PRDM16: variants seen among roughly 807,000 people sequenced by gnomAD.
PRDM16 encodes the protein PR/SET domain 16.
PRDM16 carries 23 observed loss-of-function variants against 110.6 expected under a neutral mutation model. That is an observed-to-expected ratio of 0.21 (90% confidence interval 0.15 to 0.29). PRDM16 has a LOEUF of 0.29. Among genes scored for constraint, PRDM16 ranks in the 10% least tolerant of loss-of-function variants. The pLI, the probability that PRDM16 is intolerant of heterozygous loss-of-function variation, is 1.00. For synonymous variants in PRDM16, 799 were observed against 781.8 expected (o/e 1.02, Z -0.37); for missense variants, 1,615 against 1,794.3 (o/e 0.90, Z 1.81).
chr1:3,128,389 T>C (rs776771394), intron 1 of PRDM16, among the ~76,000 whole-genome samples: 3 of 152,204 alleles, frequency 2.0e-5, no homozygotes, highest in Non-Finnish European at 2.9e-5. Flanking sequence ...CGGGGGTTGC[T>C]TCTGTCCTGC....
At chr1:3,144,257 G>C (rs1476652850) in intron 1 of PRDM16, among the ~76,000 whole-genome samples, 1 of 152,186 alleles carries the variant, frequency 6.6e-6, no homozygotes, top group Admixed American at 6.5e-5. Context: ...CCCAGCCCCG[G>C]TACATGGACA....
rs372567676 is a variant in PRDM16 at position 3,265,995 on chromosome 1, C to A, written c.438+21858C>A. On this transcript the variant is annotated intron_variant, in intron 3 of 16. Transcript: ENST00000270722. This position sits in a 1 kb window ranked among gnomAD's most constrained non-coding sequence, Gnocchi z 4.5. ...CAAGGGCCGCCCTCCAGCCTAGCGA[C>A]GCCACCTGGCCCCTCTTTCCATTAA... 3.3e-5 allele frequency among the ~76,000 whole-genome samples: 5 copies of A among 152,330 alleles called. No individual in the cohort carries two copies. The East Asian group carries it at 9.7e-4, about 29-fold the overall frequency.
At chr1:3,118,683 C>T (rs774485088) in intron 1 of PRDM16, among the ~76,000 whole-genome samples, 1 of 152,180 alleles carries the variant, frequency 6.6e-6, no homozygotes, top group East Asian at 1.9e-4. Flanking sequence ...GACTGGCAGT[C>T]GGGGGGTGTC....
At position 3,186,045 on chromosome 1, in the gene PRDM16, C is replaced by G. The variant is rs139986863; in HGVS notation, c.38-80C>G. The G allele has an allele frequency of 5.6e-5, 70 of 1,254,204 alleles. No individual in the cohort carries two copies. The Admixed American group carries it at 8.3e-4, about 15-fold the overall frequency. The allele number at this position is 1,254,204 out of a possible 1,614,324, so 77.7% of individuals were successfully genotyped here. ...AGCACCCTCGGTGCCCATTGATGCC[C>G]GAGTCCCCGGCGCTCCCTGAGCTGT... On this transcript the variant is annotated intron_variant, in intron 1 of 16. Transcript: ENST00000270722.
At chr1:3,357,462 C>T in intron 3 of PRDM16, among the ~76,000 whole-genome samples, 1 of 150,430 alleles carries the variant, frequency 6.6e-6, no homozygotes, top group Non-Finnish European at 1.5e-5. Flanking sequence ...GAGAGTCTCA[C>T]CACGGGGCCT....
chr1:3,397,187 C>T (rs888302226), intron 5 of PRDM16, among the ~76,000 whole-genome samples: 1 of 152,218 alleles, frequency 6.6e-6, no homozygotes, highest in Non-Finnish European at 1.5e-5. Flanking sequence ...GGGGAAGTTT[C>T]ATTTGGCAAG....
At chr1:3,304,548 C>G (rs991984411) in intron 3 of PRDM16, among the ~76,000 whole-genome samples, 2 of 152,206 alleles carry the variant, frequency 1.3e-5, no homozygotes, top group African/African-American at 4.8e-5. Context: ...GCCTGGAGCA[C>G]ATTGCGTTGT....
chr1:3,213,125 G>A lies in PRDM16; in HGVS notation c.387+26651G>A, dbSNP rs1015046780. Among the ~76,000 whole-genome samples, 1 of 152,212 alleles carries A rather than the reference G, an allele frequency of 6.6e-6. No homozygotes were observed. The highest frequency in any genetic ancestry group is 1.5e-5 in the Non-Finnish European group (1 of 68,044). ...GCGGCAAATCCCATCCTATGTGCTT[G>A]CAGCAACTCCTCTGCCAAAAAAGGA... On this transcript the variant is annotated intron_variant, in intron 2 of 16. Coordinates refer to ENST00000270722, the MANE Select transcript of PRDM16 (RefSeq NM_022114.4). The surrounding 1 kb of genome is among the most constrained non-coding windows in gnomAD (Gnocchi z 5.3).
At chr1:3,184,854 GT>G (rs1644249993) in intron 1 of PRDM16, among the ~76,000 whole-genome samples, 1 of 152,164 alleles carries the variant, frequency 6.6e-6, no homozygotes, top group Non-Finnish European at 1.5e-5. Flanking sequence ...TCGGGGGCTG[GT>G]CCAGGCTGCG....
In PRDM16 at chr1:3,290,952, A is replaced by G. The variant is rs1640959814; in HGVS notation, c.438+46815A>G. Among the ~76,000 whole-genome samples, 1 of 151,940 alleles carries G rather than the reference A, an allele frequency of 6.6e-6. No homozygotes were observed. The highest frequency in any genetic ancestry group is 1.5e-5 in the Non-Finnish European group (1 of 68,004). ...TCATCATTCATCGGGGGCCTTATTA[A>G]CCTTCTTACGATGTGATAGGAGCGG... is the stretch of plus-strand genomic sequence containing the variant. On this transcript the variant is annotated intron_variant, in intron 3 of 16. Transcript: ENST00000270722. The surrounding 1 kb of genome is among the most constrained non-coding windows in gnomAD (Gnocchi z 4.8).
intron 3 of PRDM16, among the ~76,000 whole-genome samples, chr1:3,320,417 GT>G (rs1223808299): frequency 6.6e-6 from 1 of 152,220 alleles, no homozygotes; most frequent in African/African-American, 2.4e-5. Flanking sequence ...TGCAAAGGCT[GT>G]GTGCCCAGGG....
chr1:3,320,329 C>T (rs906363774), intron 3 of PRDM16, among the ~76,000 whole-genome samples: 4 of 152,060 alleles, frequency 2.6e-5, no homozygotes, highest in Non-Finnish European at 2.9e-5. Flanking sequence ...TGTGTGTGTG[C>T]GTGTGTGTGT....
intron 2 of PRDM16, among the ~76,000 whole-genome samples, chr1:3,187,839 T>C (rs1644288288): frequency 1.3e-5 from 2 of 152,184 alleles, no homozygotes; most frequent in Admixed American, 1.3e-4. Context: ...TTTACAGAGC[T>C]GTGGGGGTCC....
chr1:3,375,927 A>G (rs532812350), intron 3 of PRDM16, among the ~76,000 whole-genome samples: 3 of 152,192 alleles, frequency 2.0e-5, no homozygotes, highest in Non-Finnish European at 4.4e-5. Context: ...AGAGAGAACT[A>G]AGGGGAAACT....
intron 1 of PRDM16, among the ~76,000 whole-genome samples, chr1:3,166,153 G>A (rs1159000243): frequency 6.6e-6 from 1 of 152,260 alleles, no homozygotes. Context: ...TTCATTAACT[G>A]CCAGGAAATC....
At chr1:3,070,525 C>T (rs1310370222) in intron 1 of PRDM16, among the ~76,000 whole-genome samples, 4 of 150,174 alleles carry the variant, frequency 2.7e-5, no homozygotes, top group Non-Finnish European at 5.9e-5. Flanking sequence ...GCCGCCCCCT[C>T]CTCTGCAGGC....
chr1:3,338,177 A>T (rs1019647586), intron 3 of PRDM16, among the ~76,000 whole-genome samples: 1 of 152,234 alleles, frequency 6.6e-6, no homozygotes, highest in African/African-American at 2.4e-5. Context: ...GCGCAGCCGA[A>T]TTCTCTTTGG....
intron 1 of PRDM16, among the ~76,000 whole-genome samples, chr1:3,104,381 C>T (rs753331320): frequency 1.3e-4 from 20 of 152,150 alleles, no homozygotes; most frequent in African/African-American, 2.7e-4. Flanking sequence ...GGAAGGCAAG[C>T]GCCTCCGTGC....
rs949132081 is a variant in PRDM16 at position 3,245,059 on chromosome 1, C to T, written c.438+922C>T. ...TTACACATCCCCACCCAGACAGCAT[C>T]GCAGGGGGCGGGGTGGGGCGGGGTG... On this transcript the variant is annotated intron_variant, in intron 3 of 16. Transcript: ENST00000270722. This position sits in a 1 kb window ranked among gnomAD's most constrained non-coding sequence, Gnocchi z 4.7. 6.6e-6 allele frequency among the ~76,000 whole-genome samples: 1 copy of T among 152,098 alleles called. No individual in the cohort carries two copies. Among genetic ancestry groups the T allele is most frequent in the Non-Finnish European group, 1.5e-5 (1 of 68,020 alleles).
Sources: allele counts gnomAD v4.1 joint callset (sites outside exome capture counted in the v4.1 genomes callset), GRCh38; gene constraint gnomAD v4.1.1; non-coding constraint Gnocchi (gnomAD v3.1); transcripts MANE v1.5; gene names NCBI Gene and HGNC (gene_info 2026-07-23, HGNC 2026-07-21).